MALRD1: variants seen among roughly 807,000 people sequenced by gnomAD.
The protein encoded by MALRD1 is MAM and LDL receptor class A domain containing 1.
Under a neutral mutation model 242.1 loss-of-function variants are expected in MALRD1, and 247 were observed. The observed-to-expected ratio is 1.02, with a 90% confidence interval of 0.92 to 1.13. The LOEUF is 1.13. Among genes scored for constraint, MALRD1 ranks in the 50% most tolerant of loss-of-function variants. MALRD1 has a pLI of 0.00. For missense variants in MALRD1, 2,989 were observed against 2,533.1 expected, an observed-to-expected ratio of 1.18 and a Z score of -3.86; for synonymous variants, 995 against 866.6, an observed-to-expected ratio of 1.15 and a Z score of -2.60.
Position 19,461,605 on chromosome 10 carries a change from G to C in MALRD1, c.5029+11115G>C, listed in dbSNP as rs115238067. On this transcript the variant is annotated intron_variant, in intron 29 of 39. Transcript: ENST00000454679. The stretch of plus-strand genomic sequence containing the variant: ...GCTCACATCTGTAATCCTACACTGT[G>C]GGGGGAGGCTGAGGCAGGAAGATCA... Among the ~76,000 whole-genome samples, 194 of 152,190 alleles carry C rather than the reference G, an allele frequency of 1.3e-3. 1 individual carries two copies. The highest frequency in any genetic ancestry group is 2.5e-3 in the Non-Finnish European group (170 of 67,986).
At chr10:19,349,042 A>G (rs1031719901) in intron 25 of MALRD1, among the ~76,000 whole-genome samples, 3 of 152,086 alleles carry the variant, frequency 2.0e-5, no homozygotes, top group East Asian at 1.9e-4. Flanking sequence ...GCTCACTGTA[A>G]CATCCACCTG....
At chr10:19,561,714 A>ATTTTTTTT (rs72513837) in intron 32 of MALRD1, among the ~76,000 whole-genome samples, 3 of 149,120 alleles carry the variant, frequency 2.0e-5, no homozygotes, top group Non-Finnish European at 3.0e-5. Flanking sequence ...GCCTCTCAGC[A>ATTTTTTTT]TTTTTTTTTT....
intron 5 of MALRD1, among the ~76,000 whole-genome samples, chr10:19,120,218 A>G (rs185937660): frequency 1.2e-4 from 18 of 152,170 alleles, no homozygotes; most frequent in African/African-American, 4.1e-4. Context: ...CACAAGAGAG[A>G]CTGAGAAAAA....
chr10:19,234,947 TGAG>T lies in MALRD1; in HGVS notation c.2992-22732_2992-22730del, dbSNP rs147698628. On this transcript the variant is annotated intron_variant, in intron 18 of 39. Coordinates refer to ENST00000454679, the MANE Select transcript of MALRD1 (RefSeq NM_001142308.3). ...GAGTGGGAACTGGGAATTAAAAAGA[TGAG>T]GAGGTCTCTGCAAATCTACATGGAT... 5.3e-3 allele frequency among the ~76,000 whole-genome samples: 800 copies of T among 152,266 alleles called. 7 individuals carry two copies. Among genetic ancestry groups the T allele is most frequent in the African/African-American group, 0.019 (769 of 41,550 alleles).
chr10:19,582,281 A>T (rs945728024), intron 33 of MALRD1, among the ~76,000 whole-genome samples: 12 of 151,710 alleles, frequency 7.9e-5, no homozygotes, highest in South Asian at 2.1e-4. Flanking sequence ...GGTGTTTTAG[A>T]CATGAAGTCC....
At chr10:19,413,908 A>T (rs1299765398) in intron 28 of MALRD1, among the ~76,000 whole-genome samples, 3 of 151,416 alleles carry the variant, frequency 2.0e-5, no homozygotes, top group Non-Finnish European at 4.4e-5. Flanking sequence ...CCGAGATCGC[A>T]CTACTGCACT....
intron 5 of MALRD1, among the ~76,000 whole-genome samples, chr10:19,108,136 G>T (rs1836536122): frequency 1.3e-5 from 2 of 151,908 alleles, no homozygotes; most frequent in Admixed American, 1.3e-4. Flanking sequence ...GCAAAACTTT[G>T]TCTGCTTAAT....
intron 36 of MALRD1, among the ~76,000 whole-genome samples, chr10:19,674,137 A>G (rs2358473): frequency 0.12 from 18,141 of 152,134 alleles, 1,839 homozygotes; most frequent in African/African-American, 0.28. Flanking sequence ...TGGATAGAGT[A>G]TATCTGTCAC....
intron 28 of MALRD1, among the ~76,000 whole-genome samples, chr10:19,410,792 T>C (rs542381421): frequency 1.3e-5 from 2 of 152,056 alleles, no homozygotes; most frequent in Admixed American, 6.6e-5. Flanking sequence ...ATTCTAGAAA[T>C]TCCATTTAGC....
At chr10:19,289,539 C>T (rs955689824) in intron 21 of MALRD1, among the ~76,000 whole-genome samples, 1 of 152,136 alleles carries the variant, frequency 6.6e-6, no homozygotes, top group Non-Finnish European at 1.5e-5. Context: ...GACAATAAAT[C>T]GTGGAGAAGG....
At chr10:19,556,010 C>T (rs1835701357) in intron 32 of MALRD1, among the ~76,000 whole-genome samples, 1 of 152,034 alleles carries the variant, frequency 6.6e-6, no homozygotes, top group Non-Finnish European at 1.5e-5. Context: ...TTGTGTTTTT[C>T]CAACTAAGGC....
intron 11 of MALRD1, among the ~76,000 whole-genome samples, chr10:19,146,904 T>C (rs1323429549): frequency 2.0e-5 from 3 of 152,238 alleles, no homozygotes; most frequent in Non-Finnish European, 4.4e-5. Context: ...TTCCAATAAG[T>C]GTCTGTGAAA....
intron 12 of MALRD1, among the ~76,000 whole-genome samples, chr10:19,157,856 T>C (rs1450876430): frequency 6.6e-6 from 1 of 152,236 alleles, no homozygotes; most frequent in East Asian, 1.9e-4. Flanking sequence ...TTGAGCTTTC[T>C]CGTGAGTTGC....
intron 36 of MALRD1, among the ~76,000 whole-genome samples, chr10:19,682,767 G>A (rs941052685): frequency 1.3e-5 from 2 of 152,110 alleles, no homozygotes; most frequent in African/African-American, 2.4e-5. Context: ...TTCCCCTTCT[G>A]CTGACAGAGG....
At chr10:19,245,034 G>C (rs1484854577) in intron 18 of MALRD1, among the ~76,000 whole-genome samples, 1 of 152,128 alleles carries the variant, frequency 6.6e-6, no homozygotes, top group Non-Finnish European at 1.5e-5. Context: ...TTGCATCATT[G>C]CTGGAGCATA....
At chr10:19,599,963 C>T (rs1838277135) in intron 34 of MALRD1, among the ~76,000 whole-genome samples, 1 of 151,962 alleles carries the variant, frequency 6.6e-6, no homozygotes, top group South Asian at 2.1e-4. Flanking sequence ...CTTCCAGGGC[C>T]CAGATGGGGA....
At chr10:19,595,598 G>T (rs1589285227) in intron 34 of MALRD1, 141 bp downstream of exon 34, 1 of 1,012,886 alleles carries the variant, frequency 9.9e-7, no homozygotes, top group East Asian at 2.6e-5. Flanking sequence ...GTGTTATGTT[G>T]CAAAACAAGG....
At chr10:19,331,293 T>C (rs1401855046) in intron 23 of MALRD1, 76 bp from the exon 24 acceptor site, 33 of 1,151,934 alleles carry the variant, frequency 2.9e-5, no homozygotes, top group Non-Finnish European at 3.1e-5. Context: ...ACGATTGATG[T>C]GCTTGATACT....
chr10:19,251,243 A>G (rs1405262249), intron 18 of MALRD1, among the ~76,000 whole-genome samples: 1 of 152,046 alleles, frequency 6.6e-6, no homozygotes, highest in African/African-American at 2.4e-5. Context: ...TTTGGAGATA[A>G]TTCTCCATGG....
Sources: gnomAD v4.1 joint callset for allele counts (sites outside exome capture counted in the v4.1 genomes callset) on GRCh38, gnomAD v4.1.1 for gene constraint, MANE v1.5 for transcripts, NCBI Gene and HGNC (gene_info 2026-07-23, HGNC 2026-07-21) for gene names.